Variants in DGKB observed in about 807,000 individuals in gnomAD.
DGKB encodes 90 kDa diacylglycerol kinase.
A neutral mutation model predicts 114.3 loss-of-function variants in DGKB; 67 were observed. The ratio of observed to expected loss-of-function variants is 0.59; its 90% CI spans 0.48 to 0.72. DGKB has a LOEUF of 0.72. Ranked by LOEUF, DGKB falls within the 30% of genes least tolerant of loss-of-function variation. DGKB has a pLI of 0.00. For missense variants in DGKB, 907 were observed against 975.2 expected (o/e 0.93, Z 0.93); for synonymous variants, 398 against 323.1 (o/e 1.23, Z -2.49).
At chr7:14,928,416 C>A (rs770438743) in intron 1 of DGKB, among the ~76,000 whole-genome samples, 3 of 151,934 alleles carry the variant, frequency 2.0e-5, no homozygotes, top group Non-Finnish European at 4.4e-5. Context: ...TCTGTTCACT[C>A]AAAAATAATC....
intron 23 of DGKB, among the ~76,000 whole-genome samples, chr7:14,288,494 T>C (rs1801248305): frequency 6.6e-6 from 1 of 152,124 alleles, no homozygotes; most frequent in Non-Finnish European, 1.5e-5. Context: ...TGACAATTGC[T>C]GTCATTTACT....
intron 25 of DGKB, among the ~76,000 whole-genome samples, chr7:14,165,661 A>G (rs184211236): frequency 6.6e-6 from 1 of 152,334 alleles, no homozygotes; most frequent in Non-Finnish European, 1.5e-5. Flanking sequence ...ATTTTCCAAT[A>G]TATATTATGT....
intron 5 of DGKB, among the ~76,000 whole-genome samples, chr7:14,731,546 A>T (rs1386505400): frequency 2.0e-5 from 3 of 152,184 alleles, no homozygotes; most frequent in Non-Finnish European, 4.4e-5. Flanking sequence ...TCATATAAAC[A>T]TCGGGTAGTA....
chr7:14,289,744 C>CAAAAAAAA (rs3067647), intron 23 of DGKB, among the ~76,000 whole-genome samples: 2 of 126,812 alleles, frequency 1.6e-5, no homozygotes, highest in Non-Finnish European at 3.4e-5. Context: ...AGACATGGAC[C>CAAAAAAAA]AAAAAAAAAA....
chr7:14,199,375 T>G (rs1333107301), intron 23 of DGKB, among the ~76,000 whole-genome samples: 1 of 151,924 alleles, frequency 6.6e-6, no homozygotes, highest in Non-Finnish European at 1.5e-5. Flanking sequence ...CAAATAAAAA[T>G]GTCTGATCTA....
chr7:14,888,344 T>C (rs1397874235), intron 1 of DGKB, among the ~76,000 whole-genome samples: 2 of 151,480 alleles, frequency 1.3e-5, no homozygotes, highest in Admixed American at 6.6e-5. Context: ...TGAAATTTCC[T>C]GCACAAACAT....
At chr7:14,659,945 G>T (rs1177712592) in intron 13 of DGKB, among the ~76,000 whole-genome samples, 1 of 151,668 alleles carries the variant, frequency 6.6e-6, no homozygotes, top group African/African-American at 2.4e-5. Context: ...AGCATGAAGG[G>T]TTGTTGAATT....
At chr7:14,665,312 T>A (rs1407568457) in intron 13 of DGKB, among the ~76,000 whole-genome samples, 1 of 151,820 alleles carries the variant, frequency 6.6e-6, no homozygotes, top group African/African-American at 2.4e-5. Context: ...TTCTCACTTA[T>A]AAATGAGAGC....
At chr7:14,805,492 G>A (rs907695566) in intron 2 of DGKB, among the ~76,000 whole-genome samples, 15 of 152,014 alleles carry the variant, frequency 9.9e-5, no homozygotes, top group Non-Finnish European at 2.1e-4. Flanking sequence ...CCTGCTTCTG[G>A]TGTCTCACTT....
chr7:14,507,472 T>C (rs1477346398), intron 20 of DGKB, among the ~76,000 whole-genome samples: 2 of 152,182 alleles, frequency 1.3e-5, no homozygotes, highest in African/African-American at 2.4e-5. Flanking sequence ...AAAATACACA[T>C]ACTAGTTAAT....
At chr7:14,331,927 T>C (rs1048774827) in intron 23 of DGKB, among the ~76,000 whole-genome samples, 2 of 152,252 alleles carry the variant, frequency 1.3e-5, no homozygotes, top group East Asian at 1.9e-4. Flanking sequence ...CAACAGTGCA[T>C]AGAGAGATCA....
chr7:14,264,385 G>C (rs1462634927), intron 23 of DGKB, among the ~76,000 whole-genome samples: 1 of 152,076 alleles, frequency 6.6e-6, no homozygotes. Context: ...ACCGCTTCTG[G>C]GGACCTCAGT....
intron 18 of DGKB, among the ~76,000 whole-genome samples, chr7:14,581,235 G>A (rs1419468668): frequency 2.6e-5 from 4 of 152,066 alleles, no homozygotes; most frequent in Non-Finnish European, 1.5e-5. Context: ...AAAAATTGTG[G>A]TGTGTCTTAT....
At chr7:14,203,314 G>A (rs922029607) in intron 23 of DGKB, among the ~76,000 whole-genome samples, 4 of 151,766 alleles carry the variant, frequency 2.6e-5, no homozygotes, top group East Asian at 3.9e-4. Context: ...ATTGGGTTGA[G>A]GAACAAACAA....
chr7:14,924,269 G>A (rs188457166), intron 1 of DGKB, among the ~76,000 whole-genome samples: 34 of 152,090 alleles, frequency 2.2e-4, no homozygotes, highest in Middle Eastern at 3.4e-3. Context: ...ACTGTCCTAC[G>A]CGTTCTAATA....
intron 20 of DGKB, among the ~76,000 whole-genome samples, chr7:14,558,912 A>G (rs1279815097): frequency 1.3e-5 from 2 of 152,218 alleles, no homozygotes; most frequent in Non-Finnish European, 2.9e-5. Context: ...AACAAAGCCA[A>G]AACATACTAG....
intron 1 of DGKB, among the ~76,000 whole-genome samples, chr7:14,925,646 T>G (rs757900453): frequency 6.6e-6 from 1 of 152,168 alleles, no homozygotes; most frequent in Non-Finnish European, 1.5e-5. Flanking sequence ...TATTTCATCT[T>G]CTTTAGAGCA....
At position 14,229,105 on chromosome 7, in the gene DGKB, A is replaced by G. The variant is rs73679695; in HGVS notation, c.2123-50954T>C. 8.7e-3 allele frequency among the ~76,000 whole-genome samples: 1,325 copies of G among 152,142 alleles called. 19 individuals are homozygous for G. The highest frequency in any genetic ancestry group is 0.031 in the African/African-American group (1,269 of 41,550). ...ACAAATTTTGCATTAGCCCAAATTA[A>G]TTTACTTATATATAAAATCCAGCAG... On this transcript the variant is annotated intron_variant, in intron 23 of 25. Coordinates refer to ENST00000402815, the MANE Select transcript of DGKB (RefSeq NM_001350709.2).
At chr7:14,820,212 TA>T (rs950733376) in intron 2 of DGKB, among the ~76,000 whole-genome samples, 11 of 152,070 alleles carry the variant, frequency 7.2e-5, no homozygotes, top group African/African-American at 2.7e-4. Context: ...CCTAGATCAA[TA>T]AAAAAACCCT....
Sources: allele counts gnomAD v4.1 joint callset (sites outside exome capture counted in the v4.1 genomes callset), GRCh38; gene constraint gnomAD v4.1.1; transcripts MANE v1.5; gene names NCBI Gene and HGNC (gene_info 2026-07-23, HGNC 2026-07-21).